Variants in MYO16 observed in about 807,000 individuals in gnomAD.
MYO16 encodes unconventional myosin-XVI.
A neutral mutation model predicts 205.3 loss-of-function variants in MYO16; 94 were observed. The ratio of observed to expected loss-of-function variants is 0.46; its 90% confidence interval spans 0.39 to 0.54. The LOEUF (loss-of-function observed/expected upper bound fraction) is 0.54, where lower values mean the gene tolerates loss of function less well. Among genes scored for constraint, MYO16 ranks in the 20% least tolerant of loss-of-function variants. The probability of loss-of-function intolerance (pLI) is 0.00; values close to 1 mark genes in which losing one functional copy is unlikely to be tolerated. For missense variants in MYO16, 2,315 were observed against 2,387.5 expected (o/e 0.97, Z 0.63); for synonymous variants, 988 against 954.0 (o/e 1.04, Z -0.66).
rs187036567 is a variant in MYO16 at position 108,828,217 on chromosome 13, T to G, written c.1097+4939T>G. On this transcript the variant is annotated intron_variant, in intron 9 of 34. Transcript: ENST00000457511. Reference sequence around the variant, plus strand: ...GCCAGGCGTGTGCTAACTCTGTTATTGTTTCAGCGAGGAGGTCATTTTTAT... The same window carrying G: ...GCCAGGCGTGTGCTAACTCTGTTATGGTTTCAGCGAGGAGGTCATTTTTAT... Among the ~76,000 whole-genome samples the G allele has an allele frequency of 3.1e-4, 47 of 152,262 alleles. 1 individual carries two copies. The highest frequency in any genetic ancestry group is 8.5e-4 in the Admixed American group (13 of 15,286).
intron 23 of MYO16, among the ~76,000 whole-genome samples, chr13:109,025,884 G>A (rs901696547): frequency 5.9e-5 from 9 of 152,184 alleles, no homozygotes; most frequent in Non-Finnish European, 1.5e-5. Context: ...TAATGAAAAT[G>A]TAGGTCAAAA....
intron 13 of MYO16, chr13:108,886,514 G>A (rs1394177217): frequency 8.8e-6 from 4 of 455,900 alleles, no homozygotes; most frequent in African/African-American, 4.0e-5. Context: ...GCAGAGAGGG[G>A]TCCTGAAGCA....
intron 2 of MYO16, among the ~76,000 whole-genome samples, chr13:108,694,478 T>C (rs1175286214): frequency 2.0e-5 from 3 of 152,194 alleles, no homozygotes; most frequent in Non-Finnish European, 4.4e-5. Context: ...ATTATAATCA[T>C]CCCATTTCCC....
intron 10 of MYO16, among the ~76,000 whole-genome samples, chr13:108,852,404 G>T (rs1877924673): frequency 6.6e-6 from 1 of 152,112 alleles, no homozygotes; most frequent in Non-Finnish European, 1.5e-5. Context: ...TGGTTATCAT[G>T]CCAGTTTTGC....
rs369326570 is a variant in MYO16, at chr13:108,665,902, T to C, written c.45T>C (p.Cys15=). 6.2e-7 allele frequency: 1 copy of C among 1,613,776 alleles called. No homozygotes were observed. The highest frequency in any genetic ancestry group is 1.3e-5 in the African/African-American group (1 of 74,924). Residue 15 remains cysteine (C), a synonymous_variant, in exon 2 of 35, where the codon TGT becomes TGC. Transcript: ENST00000457511. ...HFIKCCCFQL[C]NVFRSHEMEI... The stretch of plus-strand genomic sequence containing the variant: ...TTCTTCCAGGTTGCTTTCAGCTATG[T>C]AACGTTTTTCGATCCCATGAGATGG...
chr13:108,975,292 G>A (rs1201781402), intron 20 of MYO16, among the ~76,000 whole-genome samples: 5 of 151,928 alleles, frequency 3.3e-5, no homozygotes, highest in Non-Finnish European at 1.5e-5. Flanking sequence ...AGTCAGGTGT[G>A]TGTGTGCTTG....
At position 108,850,464 on chromosome 13, in the gene MYO16, T is replaced by G. The variant is rs143303114; in HGVS notation, c.1249-4979T>G. 2.1e-3 allele frequency among the ~76,000 whole-genome samples: 323 copies of G among 152,312 alleles called. 2 individuals are homozygous for G. Among genetic ancestry groups the G allele is most frequent in the African/African-American group, 7.4e-3 (306 of 41,572 alleles). ...CTTCTAAATTATGCCTATCTTGTGT[T>G]TTAGATCTCTCCTTTTAGAAATATA... On this transcript the variant is annotated intron_variant, in intron 10 of 34. Transcript: ENST00000457511.
At chr13:108,526,425 A>G in the MYO16 span, among the ~76,000 whole-genome samples, 1 of 152,182 alleles carries the variant, frequency 6.6e-6, no homozygotes, top group African/African-American at 2.4e-5. Context: ...GACCTCAACA[A>G]TATTTAAGTG....
At chr13:109,178,785 G>A (rs896705397) in intron 33 of MYO16, among the ~76,000 whole-genome samples, 9 of 152,122 alleles carry the variant, frequency 5.9e-5, no homozygotes, top group Non-Finnish European at 1.3e-4. Context: ...GTGGGTGGAG[G>A]TCAGGGATGC....
chr13:108,857,941 G>A lies in MYO16; in HGVS notation c.1359+2388G>A, dbSNP rs574516963. On this transcript the variant is annotated intron_variant, in intron 11 of 34. Coordinates refer to ENST00000457511, the MANE Select transcript of MYO16 (RefSeq NM_001198950.3). ...ATAAATTTGCCACTGTGCGAGGCAC[G>A]GGTTTCTTCTGCTCAATTCCTAAAA... 3.5e-4 allele frequency among the ~76,000 whole-genome samples: 54 copies of A among 152,238 alleles called. 1 individual carries two copies. The highest frequency in any genetic ancestry group is 1.3e-3 in the African/African-American group (52 of 41,538).
chr13:108,987,277 C>T (rs1884674456), intron 20 of MYO16, among the ~76,000 whole-genome samples: 1 of 152,154 alleles, frequency 6.6e-6, no homozygotes, highest in African/African-American at 2.4e-5. Context: ...AAAGGCTTTC[C>T]ATAATTTCTG....
chr13:108,666,489 A>G (rs1489598484), intron 2 of MYO16, among the ~76,000 whole-genome samples: 5 of 150,582 alleles, frequency 3.3e-5, no homozygotes, highest in African/African-American at 9.7e-5. Context: ...TTTTTTTTCT[A>G]TTTAGAAAAT....
chr13:108,745,954 G>A (rs552605926), intron 4 of MYO16, among the ~76,000 whole-genome samples: 26 of 152,168 alleles, frequency 1.7e-4, no homozygotes, highest in Admixed American at 3.9e-4. Flanking sequence ...TTGGGAGGCC[G>A]AGGCGGGCAG....
chr13:108,868,032 A>C (rs1878808980), intron 12 of MYO16, among the ~76,000 whole-genome samples: 2 of 152,198 alleles, frequency 1.3e-5, no homozygotes, highest in Admixed American at 1.3e-4. Context: ...TGGCTGTATA[A>C]AATTTCCTTT....
At chr13:108,506,528 T>C in the MYO16 span, among the ~76,000 whole-genome samples, 5 of 145,660 alleles carry the variant, frequency 3.4e-5, no homozygotes, top group African/African-American at 1.3e-4. Flanking sequence ...GCAACTTTAG[T>C]GATTTCATTT....
At chr13:109,192,302 A>T (rs1282717470) in intron 34 of MYO16, among the ~76,000 whole-genome samples, 2 of 152,170 alleles carry the variant, frequency 1.3e-5, no homozygotes, top group Non-Finnish European at 1.5e-5. Context: ...GATTTTTACT[A>T]TCTGTTTCTG....
chr13:108,901,980 G>C (rs760065500), intron 15 of MYO16, among the ~76,000 whole-genome samples: 9 of 152,202 alleles, frequency 5.9e-5, no homozygotes, highest in Non-Finnish European at 1.0e-4. Flanking sequence ...TATCAGGAGA[G>C]TGAAAGTTCC....
At chr13:109,007,387 CA>C (rs1027201910) in intron 21 of MYO16, among the ~76,000 whole-genome samples, 1 of 122,266 alleles carries the variant, frequency 8.2e-6, no homozygotes, top group African/African-American at 3.1e-5. Flanking sequence ...GACTCCGTCT[CA>C]AAAAAAAAGA....
intron 34 of MYO16, among the ~76,000 whole-genome samples, chr13:109,187,610 TG>T (rs1218096617): frequency 1.1e-4 from 17 of 152,224 alleles, no homozygotes; most frequent in Non-Finnish European, 2.4e-4. Context: ...TAATTTCCCA[TG>T]GGACTTTCTC....
Sources: gnomAD v4.1 joint callset for allele counts (sites outside exome capture counted in the v4.1 genomes callset) on GRCh38, gnomAD v4.1.1 for gene constraint, MANE v1.5 for transcripts, NCBI Gene and HGNC (gene_info 2026-07-23, HGNC 2026-07-21) for gene names.